TMEM255A: variants seen among roughly 807,000 people sequenced by gnomAD.
TMEM255A encodes the protein family with sequence similarity 70, member A.
In TMEM255A, 14 loss-of-function variants were observed where a neutral mutation model predicts 23.5. The ratio of observed to expected loss-of-function variants is 0.60; its 90% CI spans 0.39 to 0.93. The LOEUF is 0.93. TMEM255A is among the 40% of genes least tolerant of loss of function. The pLI is 0.00. For synonymous variants in TMEM255A, 104 were observed against 100.3 expected, an observed-to-expected ratio of 1.04 and a Z score of -0.22; for missense variants, 233 against 261.7, an observed-to-expected ratio of 0.89 and a Z score of 0.76.
At chrX:120,305,647 A>T (rs2058059560) in intron 1 of TMEM255A, among the ~76,000 whole-genome samples, 1 of 104,226 alleles carries the variant, frequency 9.6e-6, no homozygotes, top group Non-Finnish European at 2.0e-5. Flanking sequence ...GAGAGAAGCC[A>T]TGCAGACTGC....
intron 3 of TMEM255A, among the ~76,000 whole-genome samples, chrX:120,293,164 T>C (rs2057928443): frequency 8.9e-6 from 1 of 112,604 alleles, no homozygotes; most frequent in Non-Finnish European, 1.9e-5. Context: ...ATAGACCCCA[T>C]TGTCAAAGTT....
chrX:120,294,870 TA>T (rs2057944018), intron 2 of TMEM255A, among the ~76,000 whole-genome samples: 1 of 112,067 alleles, frequency 8.9e-6, no homozygotes, highest in Admixed American at 9.5e-5. Flanking sequence ...AAAATTTTTT[TA>T]AAAATCTTTT....
chrX:120,309,834 G>C (rs1266544466), intron 1 of TMEM255A: 1 of 111,782 alleles, frequency 8.9e-6, no homozygotes, highest in African/African-American at 3.3e-5. Flanking sequence ...GCTGGGCTCG[G>C]GATTCGGACC....
intron 6 of TMEM255A, among the ~76,000 whole-genome samples, chrX:120,278,139 C>G (rs782241527): frequency 1.1e-5 from 1 of 93,960 alleles, no homozygotes; most frequent in East Asian, 3.5e-4. Context: ...CACCCACCCC[C>G]GACCCCGACT....
chrX:120,272,584 C>T (rs1366847012), intron 7 of TMEM255A, among the ~76,000 whole-genome samples: 1 of 110,583 alleles, frequency 9.0e-6, no homozygotes, highest in East Asian at 2.8e-4. Flanking sequence ...GGGGCTCTTC[C>T]CCCTTTGCTT....
Position 120,285,652 on chromosome X carries a change from C to T in TMEM255A, c.424-437G>A, listed in dbSNP as rs2057869253. On this transcript the variant is annotated intron_variant, in intron 5 of 8. Coordinates refer to ENST00000371369, the MANE Select transcript of TMEM255A (RefSeq NM_001104544.3). ...CTCTAGCTGCCTGGGTAAGGTTCCT[C>T]ATAACCCTCGTGGAAGGAGAATTTT... The T allele has an allele frequency of 6.6e-6, 8 of 1,209,414 alleles. 1 individual carries two copies. In the South Asian group the frequency reaches 1.4e-4, roughly 21 times the overall value.
rs1215599543 is a variant in TMEM255A at position 120,296,878 on chromosome X, T to TATATA, written c.202-2832_202-2828dup. 7.1e-4 allele frequency among the ~76,000 whole-genome samples: 5 copies of TATATA among 7,092 alleles called. No individual in the cohort carries two copies. The African/African-American group carries it at 0.012, about 17-fold the overall frequency. The allele number at this position is 7,092 out of a possible 115,157, so 6.2% of individuals were successfully genotyped here. On this transcript the variant is annotated intron_variant, in intron 2 of 8. Transcript: ENST00000371369. The stretch of plus-strand genomic sequence containing the variant: ...ATAATATATAATATATTATATATCA[T>TATATA]ATATATTATATATGATATATATAAT...
chrX:120,265,412 C>T (rs781892920), intron 8 of TMEM255A, among the ~76,000 whole-genome samples: 3 of 111,849 alleles, frequency 2.7e-5, no homozygotes, highest in Admixed American at 1.9e-4. Flanking sequence ...TAAAAAGTGT[C>T]CAAGCAGCCC....
chrX:120,304,441 G>A lies in TMEM255A; in HGVS notation c.109C>T (p.Leu37Phe). The change falls in exon 2 of 9, where the codon CTT becomes TTT. Residue 37 changes from leucine (L) to phenylalanine (F), a missense_variant. Transcript: ENST00000371369. ...GTGAGAATTAACACGGACACAATAA[G>A]CAAAGTCACGGTGACATAGATGGAG... ...RNSIYVTVTLLIVSVLILTVG... is the reference protein window; with the variant it reads ...RNSIYVTVTLFIVSVLILTVG... 8.3e-7 allele frequency: 1 copy of A among 1,210,003 alleles called. No individual in the cohort carries two copies. Among genetic ancestry groups the A allele is most frequent in the Non-Finnish European group, 1.1e-6 (1 of 894,239 alleles).
At chrX:120,297,996 A>G (rs1556025200) in intron 2 of TMEM255A, among the ~76,000 whole-genome samples, 1 of 110,849 alleles carries the variant, frequency 9.0e-6, no homozygotes, top group East Asian at 2.8e-4. Flanking sequence ...TCCCCTCAAG[A>G]GCTTCATGGA....
At chrX:120,251,468 CCTCA>C in the TMEM255A span, among the ~76,000 whole-genome samples, 1 of 110,228 alleles carries the variant, frequency 9.1e-6, no homozygotes, top group Non-Finnish European at 1.9e-5. Context: ...TTCCTCCCGC[CCTCA>C]CTCTGCTGTT....
chrX:120,283,573 A>G (rs2057851613), intron 6 of TMEM255A, among the ~76,000 whole-genome samples: 1 of 111,164 alleles, frequency 9.0e-6, no homozygotes, highest in South Asian at 3.8e-4. Flanking sequence ...CGTGGCCCTC[A>G]GTTCGCCTTC....
At chrX:120,301,093 C>G (rs1190804755) in intron 2 of TMEM255A, among the ~76,000 whole-genome samples, 1 of 110,907 alleles carries the variant, frequency 9.0e-6, no homozygotes, top group Non-Finnish European at 1.9e-5. Flanking sequence ...GGCATGTGTG[C>G]GTATGTCTCT....
chrX:120,284,990 T>A (rs2057863194), intron 6 of TMEM255A, 137 bp downstream of exon 6: 1 of 558,310 alleles, frequency 1.8e-6, no homozygotes, highest in African/African-American at 2.3e-5. Context: ...GCAAGTAATG[T>A]CTGTTAGCCA....
At chrX:120,284,166 C>T (rs1556021334) in intron 6 of TMEM255A, among the ~76,000 whole-genome samples, 2 of 112,200 alleles carry the variant, frequency 1.8e-5, no homozygotes, top group African/African-American at 6.5e-5. Context: ...ATCCCCACTG[C>T]ACTTATCACA....
Position 120,268,151 on chromosome X carries a change from T to C in TMEM255A, c.819+93A>G, listed in dbSNP as rs1415778613. ...GGCTACCTCATACATATGCAGACAA[T>C]GGAAAGGTTCCATAATTGAATTTAG... is the stretch of plus-strand genomic sequence containing the variant. On this transcript the variant is annotated intron_variant, in intron 8 of 8. Coordinates refer to ENST00000371369, the MANE Select transcript of TMEM255A (RefSeq NM_001104544.3). 4 of 999,927 alleles carry C rather than the reference T, an allele frequency of 4.0e-6. No homozygotes were observed. The African/African-American group carries it at 5.9e-5, about 15-fold the overall frequency. The allele number at this position is 999,927 out of a possible 1,213,427, so 82.4% of individuals were successfully genotyped here. A position where few individuals can be genotyped will look rare whatever the true frequency, so the allele number is the denominator to read the frequency against.
chrX:120,254,674 C>G, downstream of TMEM255A: 1 of 1,211,903 alleles, frequency 8.3e-7, no homozygotes, highest in Non-Finnish European at 1.1e-6. Context: ...ACTTTAGATA[C>G]AGCTACTGAA....
rs180945915 is a variant in TMEM255A at position 120,264,438 on chromosome X, T to C, written c.820-3410A>G. Among the ~76,000 whole-genome samples the C allele has an allele frequency of 2.0e-3, 223 of 110,462 alleles. 1 individual carries two copies. The highest frequency in any genetic ancestry group is 6.5e-3 in the African/African-American group (197 of 30,495). ...TTTCTCTAAGCTCAGCACTCAAAAC[T>C]TCCTCAGGGCCAGCTGATCAGACCC... On this transcript the variant is annotated intron_variant, in intron 8 of 8. Coordinates refer to ENST00000371369, the MANE Select transcript of TMEM255A (RefSeq NM_001104544.3).
At chrX:120,305,123 C>G (rs1310581491) in intron 1 of TMEM255A, among the ~76,000 whole-genome samples, 2 of 110,754 alleles carry the variant, frequency 1.8e-5, no homozygotes, top group African/African-American at 6.6e-5. Flanking sequence ...AGATATGTAT[C>G]GGGGGAGTTA....
Sources: allele counts gnomAD v4.1 joint callset (sites outside exome capture counted in the v4.1 genomes callset), GRCh38; gene constraint gnomAD v4.1.1; transcripts MANE v1.5; gene names NCBI Gene and HGNC (gene_info 2026-07-23, HGNC 2026-07-21).